Variants in ZNF385D observed in about 807,000 individuals in gnomAD.
The protein encoded by ZNF385D is zinc finger protein 659.
ZNF385D carries 15 observed loss-of-function variants against 35.8 expected under a neutral mutation model. The ratio of observed to expected loss-of-function variants is 0.42; its 90% CI spans 0.28 to 0.64. The LOEUF is 0.64. ZNF385D is among the 30% of genes least tolerant of loss of function. The pLI, the probability that ZNF385D is intolerant of heterozygous loss-of-function variation, is 0.23. For synonymous variants in ZNF385D, 212 were observed against 186.8 expected, an observed-to-expected ratio of 1.13 and a Z score of -1.10; for missense variants, 474 against 494.6, an observed-to-expected ratio of 0.96 and a Z score of 0.39.
chr3:21,627,898 T>C (rs1258907972), intron 2 of ZNF385D, among the ~76,000 whole-genome samples: 2 of 152,132 alleles, frequency 1.3e-5, no homozygotes, highest in African/African-American at 2.4e-5. Context: ...ATACTACAAA[T>C]ATAATCTTAT....
At chr3:21,679,433 G>C (rs185576379) in intron 1 of ZNF385D, among the ~76,000 whole-genome samples, 1 of 151,930 alleles carries the variant, frequency 6.6e-6, no homozygotes, top group South Asian at 2.1e-4. Context: ...TTTTGAAGGG[G>C]AGTATTCATG....
chr3:22,291,552 T>C (rs1294939248), intron 2 of ZNF385D, among the ~76,000 whole-genome samples: 1 of 152,046 alleles, frequency 6.6e-6, no homozygotes, highest in Non-Finnish European at 1.5e-5. Context: ...TAATATATTT[T>C]AGTTGATTTA....
intron 2 of ZNF385D, among the ~76,000 whole-genome samples, chr3:22,278,916 T>C (rs532880778): frequency 6.6e-6 from 1 of 150,786 alleles, no homozygotes; most frequent in East Asian, 1.9e-4. Context: ...AGTTTTCTCC[T>C]GCATCTCCCA....
At chr3:21,463,307 A>T (rs1703302005) in intron 4 of ZNF385D, among the ~76,000 whole-genome samples, 1 of 152,220 alleles carries the variant, frequency 6.6e-6, no homozygotes, top group Non-Finnish European at 1.5e-5. Flanking sequence ...TTTTACAGGG[A>T]CACTAGAAGG....
chr3:22,138,060 T>C (rs1483844198), intron 3 of ZNF385D, among the ~76,000 whole-genome samples: 1 of 152,106 alleles, frequency 6.6e-6, no homozygotes, highest in Non-Finnish European at 1.5e-5. Flanking sequence ...TGAACTCCCA[T>C]TCACAGTTGC....
At chr3:21,776,928 C>T (rs2071312200) in intron 3 of ZNF385D, among the ~76,000 whole-genome samples, 1 of 151,964 alleles carries the variant, frequency 6.6e-6, no homozygotes. Context: ...TCCCAGTTCT[C>T]TCCCCATAGC....
At chr3:21,576,350 C>T (rs2063496746) in intron 2 of ZNF385D, among the ~76,000 whole-genome samples, 2 of 152,152 alleles carry the variant, frequency 1.3e-5, no homozygotes, top group Admixed American at 6.5e-5. Flanking sequence ...ATTTCATTGT[C>T]AGTAGATTTC....
At chr3:21,978,998 CTT>C (rs1694236203) in intron 3 of ZNF385D, among the ~76,000 whole-genome samples, 1 of 152,110 alleles carries the variant, frequency 6.6e-6, no homozygotes, top group African/African-American at 2.4e-5. Context: ...CAGTATGCAG[CTT>C]CCAAAATTCA....
intron 3 of ZNF385D, among the ~76,000 whole-genome samples, chr3:22,126,888 T>A (rs948501859): frequency 6.6e-6 from 1 of 152,154 alleles, no homozygotes; most frequent in Non-Finnish European, 1.5e-5. Context: ...AATTGGTATA[T>A]CATCTTGATG....
At chr3:22,239,912 C>T (rs1274138582) in intron 2 of ZNF385D, among the ~76,000 whole-genome samples, 1 of 150,344 alleles carries the variant, frequency 6.7e-6, no homozygotes. Context: ...CATGGTTGCC[C>T]ACGCCTATAA....
intron 3 of ZNF385D, among the ~76,000 whole-genome samples, chr3:21,958,152 T>C (rs1450227075): frequency 6.6e-6 from 1 of 152,190 alleles, no homozygotes; most frequent in Non-Finnish European, 1.5e-5. Context: ...TCAAATTTAA[T>C]GTAACTAAGC....
Position 22,372,392 on chromosome 3 carries a change from G to A in ZNF385D, c.106+58C>T, listed in dbSNP as rs548112963. 2.5e-5 allele frequency: 24 copies of A among 962,478 alleles called. No homozygotes were observed. In the African/African-American group the frequency reaches 3.5e-4, roughly 14 times the overall value. The allele number at this position is 962,478 out of a possible 1,614,324, so 59.6% of individuals were successfully genotyped here. On this transcript the variant is annotated intron_variant, in intron 2 of 5. Coordinates refer to the ZNF385D transcript ENST00000494108. Reference sequence around the variant, plus strand: ...GGGGCGCAACCCTAGCTCCTTGCCCGGCGCCCCAACGAACTCCGCCACCTG... The same window carrying A: ...GGGGCGCAACCCTAGCTCCTTGCCCAGCGCCCCAACGAACTCCGCCACCTG...
At chr3:22,066,916 T>C (rs1274773032) in intron 3 of ZNF385D, among the ~76,000 whole-genome samples, 1 of 152,206 alleles carries the variant, frequency 6.6e-6, no homozygotes, top group Non-Finnish European at 1.5e-5. Flanking sequence ...CAATGATGCC[T>C]ATAATCAGAA....
intron 3 of ZNF385D, among the ~76,000 whole-genome samples, chr3:21,933,145 T>G (rs1011400996): frequency 6.6e-6 from 1 of 152,178 alleles, no homozygotes; most frequent in African/African-American, 2.4e-5. Context: ...TCGTCTCAAT[T>G]TGGAGAGCTA....
intron 3 of ZNF385D, among the ~76,000 whole-genome samples, chr3:21,973,422 CATA>C (rs929087155): frequency 4.0e-5 from 6 of 151,848 alleles, no homozygotes; most frequent in African/African-American, 1.4e-4. Context: ...CATACCTCAA[CATA>C]ATAAAAGTCA....
At chr3:22,302,771 T>C (rs927134873) in intron 2 of ZNF385D, among the ~76,000 whole-genome samples, 3 of 152,132 alleles carry the variant, frequency 2.0e-5, no homozygotes, top group African/African-American at 7.2e-5. Flanking sequence ...TTAGTTTTAA[T>C]GTTACTTTGA....
At chr3:21,674,500 T>A (rs1342209828) in intron 1 of ZNF385D, among the ~76,000 whole-genome samples, 1 of 152,082 alleles carries the variant, frequency 6.6e-6, no homozygotes, top group African/African-American at 2.4e-5. Flanking sequence ...CCCCAAAATG[T>A]GAATCATAAA....
At chr3:21,841,286 G>T (rs923887850) in intron 3 of ZNF385D, among the ~76,000 whole-genome samples, 2 of 151,840 alleles carry the variant, frequency 1.3e-5, no homozygotes, top group Non-Finnish European at 2.9e-5. Flanking sequence ...AATTATTCCT[G>T]CACTGATGGG....
intron 2 of ZNF385D, among the ~76,000 whole-genome samples, chr3:21,644,931 G>GT (rs2065708066): frequency 6.6e-6 from 1 of 152,112 alleles, no homozygotes; most frequent in African/African-American, 2.4e-5. Context: ...TATCTGCCTA[G>GT]TTAATAGATG....
Sources: allele counts gnomAD v4.1 joint callset (sites outside exome capture counted in the v4.1 genomes callset), GRCh38; gene constraint gnomAD v4.1.1; transcripts MANE v1.5; gene names NCBI Gene and HGNC (gene_info 2026-07-23, HGNC 2026-07-21).